The following CNTLN variants were observed in gnomAD, a reference collection of about 807,000 sequenced individuals.
CNTLN encodes centlein.
Under a neutral mutation model 180.0 loss-of-function variants are expected in CNTLN, and 212 were observed. The observed-to-expected ratio is 1.18, with a 90% CI of 1.05 to 1.32. The LOEUF is 1.32. Among genes scored for constraint, CNTLN ranks in the 40% most tolerant of loss-of-function variants. The pLI is 0.00. For synonymous variants in CNTLN, 722 were observed against 563.1 expected (o/e 1.28, Z -3.99); for missense variants, 2,095 against 1,610.9 (o/e 1.30, Z -5.14).
intron 3 of CNTLN, among the ~76,000 whole-genome samples, chr9:17,235,145 G>A (rs117537401): frequency 0.012 from 1,838 of 152,210 alleles, 15 homozygotes; most frequent in Middle Eastern, 0.041. Context: ...AGAATGTTCG[G>A]TTAAAAATTT....
intron 18 of CNTLN, among the ~76,000 whole-genome samples, chr9:17,437,817 ATG>A (rs1027137508): frequency 6.6e-6 from 1 of 151,984 alleles, no homozygotes; most frequent in Non-Finnish European, 1.5e-5. Context: ...ATATATGTAT[ATG>A]TGTGTGTGTG....
At chr9:17,321,991 T>G (rs115161059) in intron 8 of CNTLN, among the ~76,000 whole-genome samples, 3,319 of 152,198 alleles carry the variant, frequency 0.022, 126 homozygotes, top group African/African-American at 0.077. Flanking sequence ...ATTTTTATAC[T>G]TAATTAGTTT....
intron 1 of CNTLN, among the ~76,000 whole-genome samples, chr9:17,140,514 C>T (rs1490552733): frequency 6.6e-6 from 1 of 152,126 alleles, no homozygotes; most frequent in Non-Finnish European, 1.5e-5. Flanking sequence ...GATCATGGCT[C>T]ATTCTAGCCT....
intron 14 of CNTLN, among the ~76,000 whole-genome samples, chr9:17,391,342 G>A (rs996164171): frequency 6.6e-6 from 1 of 152,138 alleles, no homozygotes; most frequent in Non-Finnish European, 1.5e-5. Flanking sequence ...TTGCTTTTGG[G>A]GAGAGGAGTT....
chr9:17,525,551 T>G, the CNTLN span, among the ~76,000 whole-genome samples: 1 of 152,214 alleles, frequency 6.6e-6, no homozygotes, highest in African/African-American at 2.4e-5. Context: ...TTTCCTACAT[T>G]GGTTTGCGAG....
At chr9:17,152,309 T>C (rs1463938403) in intron 2 of CNTLN, among the ~76,000 whole-genome samples, 2 of 152,298 alleles carry the variant, frequency 1.3e-5, no homozygotes, top group African/African-American at 4.8e-5. Flanking sequence ...GTACTATAAA[T>C]TCCCCCTAAA....
chr9:17,306,130 G>T (rs958640341), intron 7 of CNTLN, among the ~76,000 whole-genome samples: 8 of 150,732 alleles, frequency 5.3e-5, no homozygotes, highest in African/African-American at 1.7e-4. Flanking sequence ...CACAAGAAGG[G>T]TGCTATTAGT....
Position 17,354,128 on chromosome 9 carries a change from C to G in CNTLN, c.1886+11684C>G, listed in dbSNP as rs553762689. On this transcript the variant is annotated intron_variant, in intron 12 of 25. Transcript: ENST00000380647. The stretch of plus-strand genomic sequence containing the variant: ...GGGTCCCGCAGCAGTGCCAGCCCAC[C>G]GGCGCTGCGCTCAATTTCTCACAGA... Among the ~76,000 whole-genome samples, 5 of 152,326 alleles carry G rather than the reference C, an allele frequency of 3.3e-5. No individual in the cohort carries two copies. The South Asian group carries it at 8.3e-4, about 25-fold the overall frequency.
At chr9:17,433,007 C>G (rs1223322020) in intron 18 of CNTLN, among the ~76,000 whole-genome samples, 1 of 89,508 alleles carries the variant, frequency 1.1e-5, no homozygotes, top group African/African-American at 4.5e-5. Flanking sequence ...GGTGACAGAG[C>G]AAGACTCTGT....
At chr9:17,283,736 T>A (rs1828805132) in intron 6 of CNTLN, among the ~76,000 whole-genome samples, 2 of 152,200 alleles carry the variant, frequency 1.3e-5, no homozygotes, top group African/African-American at 2.4e-5. Flanking sequence ...TGTGGGTTTG[T>A]CATAAATGGC....
intron 11 of CNTLN, 136 bp downstream of exon 11, chr9:17,341,084 A>G (rs552314044): frequency 9.5e-6 from 7 of 734,902 alleles, no homozygotes; most frequent in East Asian, 3.5e-5. Flanking sequence ...GAATTTTTAA[A>G]TGGAGAATAT....
intron 23 of CNTLN, 53 bp downstream of exon 23, chr9:17,466,944 A>C: frequency 1.6e-6 from 2 of 1,290,120 alleles, no homozygotes; most frequent in Non-Finnish European, 1.1e-6. Flanking sequence ...GCAGATAGGC[A>C]GTAGCCTACT....
Position 17,342,425 on chromosome 9 carries a change from C to T in CNTLN, c.1867C>T (p.Gln623Ter). The change falls in exon 12 of 26, where the codon CAG becomes TAG. Residue 623 changes from glutamine (Q) to a stop codon, truncating the protein, a stop_gained. Coordinates refer to ENST00000380647, the MANE Select transcript of CNTLN (RefSeq NM_017738.4). LOFTEE classifies it high-confidence loss of function. ...NELAYFKRENQELMIQKMNLE... is the reference protein window; with the variant it reads ...NELAYFKREN The stretch of plus-strand genomic sequence containing the variant: ...ACTGGCATATTTCAAAAGGGAAAAC[C>T]AGGAGCTAATGATTCAAAAGTGAGT... 1.9e-6 allele frequency: 3 copies of T among 1,604,550 alleles called. No individual in the cohort carries two copies. The highest frequency in any genetic ancestry group is 2.5e-6 in the Non-Finnish European group (3 of 1,177,080).
intron 18 of CNTLN, among the ~76,000 whole-genome samples, chr9:17,454,208 C>T (rs1830977424): frequency 6.6e-6 from 1 of 152,020 alleles, no homozygotes; most frequent in East Asian, 1.9e-4. Context: ...TATGCTTCCT[C>T]AATGTTAAAT....
intron 2 of CNTLN, among the ~76,000 whole-genome samples, chr9:17,187,997 C>CTATATATATA: frequency 8.0e-6 from 1 of 124,638 alleles, no homozygotes; most frequent in South Asian, 2.7e-4. Flanking sequence ...TATATATACA[C>CTATATATATA]TATATATATA....
intron 7 of CNTLN, 83 bp from the exon 8 acceptor site, chr9:17,308,975 T>A: frequency 1.1e-6 from 1 of 874,316 alleles, no homozygotes; most frequent in Non-Finnish European, 1.7e-6. Flanking sequence ...TTCATATGTA[T>A]ATATACACAC....
At chr9:17,339,041 T>G (rs1008748504) in intron 10 of CNTLN, among the ~76,000 whole-genome samples, 5 of 152,220 alleles carry the variant, frequency 3.3e-5, no homozygotes, top group Admixed American at 1.3e-4. Flanking sequence ...GTATATCTTC[T>G]AAAACTACTT....
At chr9:17,485,884 T>C (rs1053624080) in intron 24 of CNTLN, among the ~76,000 whole-genome samples, 1 of 152,124 alleles carries the variant, frequency 6.6e-6, no homozygotes, top group Non-Finnish European at 1.5e-5. Flanking sequence ...CCTCTTTGAA[T>C]ATGTGAATTA....
the CNTLN span, among the ~76,000 whole-genome samples, chr9:17,528,377 C>T: frequency 6.6e-6 from 1 of 152,152 alleles, no homozygotes; most frequent in Admixed American, 6.5e-5. Context: ...CCCCCTAATC[C>T]ATAATCCCAG....
Sources: allele counts gnomAD v4.1 joint callset (sites outside exome capture counted in the v4.1 genomes callset), GRCh38; gene constraint gnomAD v4.1.1; transcripts MANE v1.5; gene names NCBI Gene and HGNC (gene_info 2026-07-23, HGNC 2026-07-21).